Variants in PDE3B observed in about 807,000 individuals in gnomAD.
PDE3B encodes phosphodiesterase 3B.
PDE3B carries 66 observed loss-of-function variants against 116.8 expected under a neutral mutation model. That is an observed-to-expected ratio of 0.56 (90% CI 0.46 to 0.69). The LOEUF is 0.69. Ranked by LOEUF, PDE3B falls within the 30% of genes least tolerant of loss-of-function variation. PDE3B has a pLI of 0.00. For synonymous variants in PDE3B, 595 were observed against 533.6 expected (o/e 1.12, Z -1.59); for missense variants, 1,384 against 1,368.1 (o/e 1.01, Z -0.18).
At chr11:14,666,724 C>T (rs1854166233) in intron 1 of PDE3B, among the ~76,000 whole-genome samples, 1 of 151,696 alleles carries the variant, frequency 6.6e-6, no homozygotes, top group Middle Eastern at 3.4e-3. Flanking sequence ...CAAATCAAAA[C>T]CACAATGAGA....
chr11:14,865,635 T>C (rs1202739628), intron 14 of PDE3B, among the ~76,000 whole-genome samples: 1 of 152,144 alleles, frequency 6.6e-6, no homozygotes, highest in African/African-American at 2.4e-5. Flanking sequence ...TATTTTACTA[T>C]TATCTATTTA....
intron 7 of PDE3B, among the ~76,000 whole-genome samples, chr11:14,822,691 G>A (rs779692605): frequency 2.0e-5 from 3 of 152,228 alleles, no homozygotes; most frequent in Non-Finnish European, 4.4e-5. Context: ...TGGAGCCCCA[G>A]GAGCTATAGA....
At chr11:14,884,601 C>T in the PDE3B span, among the ~76,000 whole-genome samples, 5 of 151,392 alleles carry the variant, frequency 3.3e-5, no homozygotes, top group African/African-American at 1.2e-4. Flanking sequence ...TTAATGGGTG[C>T]AGCATACCAG....
chr11:14,863,001 C>T (rs1285683703), intron 14 of PDE3B, among the ~76,000 whole-genome samples: 8 of 152,220 alleles, frequency 5.3e-5, no homozygotes, highest in East Asian at 1.9e-4. Flanking sequence ...CTGTCATCTA[C>T]ATTAGGTATT....
intron 5 of PDE3B, among the ~76,000 whole-genome samples, chr11:14,817,538 C>G (rs899079482): frequency 8.6e-5 from 13 of 152,016 alleles, no homozygotes; most frequent in African/African-American, 2.7e-4. Context: ...TGACTTGAGC[C>G]CAGGTGTTTG....
At chr11:14,682,589 G>A (rs1854744655) in intron 1 of PDE3B, among the ~76,000 whole-genome samples, 1 of 151,960 alleles carries the variant, frequency 6.6e-6, no homozygotes, top group Admixed American at 6.6e-5. Context: ...TGATCATGTG[G>A]GTTTGTTTTT....
intron 1 of PDE3B, among the ~76,000 whole-genome samples, chr11:14,735,743 T>TA (rs1242479204): frequency 2.0e-5 from 3 of 152,196 alleles, no homozygotes; most frequent in Non-Finnish European, 1.5e-5. Context: ...GAAAAAAGTT[T>TA]AACTGGCCAT....
chr11:14,891,783 C>A, the PDE3B span: 1 of 1,398,848 alleles, frequency 7.1e-7, no homozygotes, highest in Admixed American at 3.2e-5. Context: ...AGGGGCGGGG[C>A]TCCCCCTGCA....
At chr11:14,791,106 T>C (rs1189278657) in intron 4 of PDE3B, among the ~76,000 whole-genome samples, 1 of 152,136 alleles carries the variant, frequency 6.6e-6, no homozygotes, top group African/African-American at 2.4e-5. Context: ...GTGACTGTTT[T>C]GTAGACATAT....
chr11:14,848,333 G>A (rs370753119), intron 12 of PDE3B, among the ~76,000 whole-genome samples: 14 of 141,354 alleles, frequency 9.9e-5, no homozygotes, highest in Admixed American at 3.6e-4. Context: ...TTGATGGGAC[G>A]TATCTCAAAA....
chr11:14,761,619 T>G (rs1857362263), intron 1 of PDE3B, among the ~76,000 whole-genome samples: 1 of 152,282 alleles, frequency 6.6e-6, no homozygotes, highest in South Asian at 2.1e-4. Flanking sequence ...ACATTTTGTT[T>G]TATAAGTATA....
chr11:14,697,893 T>C (rs1855257548), intron 1 of PDE3B, among the ~76,000 whole-genome samples: 1 of 152,090 alleles, frequency 6.6e-6, no homozygotes, highest in African/African-American at 2.4e-5. Context: ...CTTGAGCTTG[T>C]ATTAAACAAC....
the PDE3B span, chr11:14,891,840 G>A: frequency 7.1e-7 from 1 of 1,417,576 alleles, no homozygotes. Flanking sequence ...CCGGGAAGCG[G>A]GTGTCCCTCA....
At chr11:14,764,786 G>A (rs1411588423) in intron 1 of PDE3B, among the ~76,000 whole-genome samples, 2 of 151,868 alleles carry the variant, frequency 1.3e-5, no homozygotes, top group Non-Finnish European at 2.9e-5. Context: ...AAGTTACCAT[G>A]ACCATCATAA....
intron 1 of PDE3B, among the ~76,000 whole-genome samples, chr11:14,748,410 CTT>C (rs1308788474): frequency 6.6e-6 from 1 of 152,096 alleles, no homozygotes; most frequent in Non-Finnish European, 1.5e-5. Flanking sequence ...AACCTGAAGT[CTT>C]TTCAGTACAG....
At chr11:14,697,465 A>G (rs898098739) in intron 1 of PDE3B, among the ~76,000 whole-genome samples, 3 of 152,008 alleles carry the variant, frequency 2.0e-5, no homozygotes, top group African/African-American at 7.2e-5. Context: ...CTATTTATGC[A>G]TTCTTTGGTT....
chr11:14,771,717 T>C (rs1857645617), intron 1 of PDE3B, among the ~76,000 whole-genome samples: 1 of 151,806 alleles, frequency 6.6e-6, no homozygotes, highest in Non-Finnish European at 1.5e-5. Flanking sequence ...TGGCTTGTTT[T>C]AGTTACTTTA....
the PDE3B span, among the ~76,000 whole-genome samples, chr11:14,897,377 T>G: frequency 4.6e-5 from 7 of 152,188 alleles, no homozygotes; most frequent in Non-Finnish European, 1.0e-4. Flanking sequence ...TCTCCCTGGT[T>G]TTACAGGTCA....
At chr11:14,645,924 ACTGT>A (rs1853391619) in intron 1 of PDE3B, among the ~76,000 whole-genome samples, 1 of 152,228 alleles carries the variant, frequency 6.6e-6, no homozygotes, top group African/African-American at 2.4e-5. Context: ...TTTTACACAT[ACTGT>A]CTCAGATCCT....
Sources: allele counts gnomAD v4.1 joint callset (sites outside exome capture counted in the v4.1 genomes callset), GRCh38; gene constraint gnomAD v4.1.1; transcripts MANE v1.5; gene names NCBI Gene and HGNC (gene_info 2026-07-23, HGNC 2026-07-21).